SLC6A11: variants seen among roughly 807,000 people sequenced by gnomAD.
The protein encoded by SLC6A11 is sodium- and chloride-dependent GABA transporter 3.
A neutral mutation model predicts 74.8 loss-of-function variants in SLC6A11; 25 were observed. The ratio of observed to expected loss-of-function variants is 0.33; its 90% CI spans 0.24 to 0.47. The LOEUF (loss-of-function observed/expected upper bound fraction) is 0.47, where lower values mean the gene tolerates loss of function less well. SLC6A11 is among the 20% of genes least tolerant of loss of function. The pLI, the probability that SLC6A11 is intolerant of heterozygous loss-of-function variation, is 1.00. For missense variants in SLC6A11, 574 were observed against 837.0 expected (o/e 0.69, Z 3.88); for synonymous variants, 330 against 330.2 (o/e 1.00, Z 0.01).
chr3:10,830,136 G>A (rs1055140103), intron 4 of SLC6A11, among the ~76,000 whole-genome samples: 4 of 152,154 alleles, frequency 2.6e-5, no homozygotes, highest in Admixed American at 1.3e-4. Context: ...GTGAGGCTGG[G>A]GAACCCTGGA....
intron 7 of SLC6A11, among the ~76,000 whole-genome samples, chr3:10,914,066 G>T (rs536007934): frequency 1.5e-4 from 23 of 152,328 alleles, no homozygotes; most frequent in Non-Finnish European, 2.9e-4. Context: ...AGCAGATCAT[G>T]CCATACCCCT....
intron 4 of SLC6A11, among the ~76,000 whole-genome samples, chr3:10,838,645 A>C (rs547831152): frequency 6.4e-4 from 98 of 152,346 alleles, no homozygotes; most frequent in Non-Finnish European, 1.2e-3. Flanking sequence ...GCTACTCAGG[A>C]GGCTGAGGCA....
intron 7 of SLC6A11, among the ~76,000 whole-genome samples, chr3:10,914,186 C>A (rs1336353289): frequency 6.6e-6 from 1 of 152,158 alleles, no homozygotes; most frequent in African/African-American, 2.4e-5. Context: ...GTCCCTCCCA[C>A]ATTACCCCAT....
At chr3:10,882,858 A>T (rs1484732295) in intron 6 of SLC6A11, among the ~76,000 whole-genome samples, 1 of 152,142 alleles carries the variant, frequency 6.6e-6, no homozygotes, top group Non-Finnish European at 1.5e-5. Context: ...TGTGGGTAAG[A>T]ATATCGGCCG....
intron 5 of SLC6A11, among the ~76,000 whole-genome samples, chr3:10,852,498 G>A (rs1404276028): frequency 6.6e-6 from 1 of 152,386 alleles, no homozygotes; most frequent in Non-Finnish European, 1.5e-5. Context: ...GAAGTTTTGC[G>A]ACTTGGTAAT....
intron 6 of SLC6A11, among the ~76,000 whole-genome samples, chr3:10,886,905 A>G (rs916752297): frequency 1.3e-5 from 2 of 152,006 alleles, no homozygotes; most frequent in African/African-American, 4.8e-5. Flanking sequence ...AAGTAATCTC[A>G]TGCTTATTTG....
At chr3:10,890,530 C>A (rs1394750081) in intron 6 of SLC6A11, among the ~76,000 whole-genome samples, 2 of 152,250 alleles carry the variant, frequency 1.3e-5, no homozygotes, top group African/African-American at 4.8e-5. Flanking sequence ...CTGACTCAGT[C>A]AGTGTGGCTG....
At chr3:10,888,233 A>G (rs1306566034) in intron 6 of SLC6A11, among the ~76,000 whole-genome samples, 1 of 152,188 alleles carries the variant, frequency 6.6e-6, no homozygotes, top group Non-Finnish European at 1.5e-5. Context: ...TCCTTTACTC[A>G]TCTCCTTCCT....
chr3:10,842,422 C>G (rs1416350256), intron 4 of SLC6A11, among the ~76,000 whole-genome samples: 1 of 152,146 alleles, frequency 6.6e-6, no homozygotes, highest in African/African-American at 2.4e-5. Context: ...TTTTGTGTTT[C>G]TGGCAGGTGC....
At chr3:10,906,082 C>T (rs1695298733) in intron 6 of SLC6A11, among the ~76,000 whole-genome samples, 1 of 152,082 alleles carries the variant, frequency 6.6e-6, no homozygotes, top group Admixed American at 6.6e-5. Flanking sequence ...ATACCCATTT[C>T]CCCACTTTAT....
At chr3:10,818,202 A>G (rs1440481322) in intron 1 of SLC6A11, among the ~76,000 whole-genome samples, 1 of 151,704 alleles carries the variant, frequency 6.6e-6, no homozygotes, top group African/African-American at 2.4e-5. Flanking sequence ...TATTGTCCTA[A>G]GGGTTAGTAG....
At chr3:10,905,736 C>T (rs1413085935) in intron 6 of SLC6A11, among the ~76,000 whole-genome samples, 2 of 152,134 alleles carry the variant, frequency 1.3e-5, no homozygotes, top group Non-Finnish European at 2.9e-5. Flanking sequence ...TGTAAAGAGC[C>T]TAATGTTGCA....
rs528727735 is a variant in SLC6A11 at position 10,912,913 on chromosome 3, T to C, written c.995+720T>C. Among the ~76,000 whole-genome samples, 42 of 152,208 alleles carry C rather than the reference T, an allele frequency of 2.8e-4. No homozygotes were observed. In the South Asian group the frequency reaches 4.8e-3, roughly 17 times the overall value. The stretch of plus-strand genomic sequence containing the variant: ...CCTGAACTCAGTGCCTGGTACGCAA[T>C]AGGTTAATATTTCATGGTAGATGGA... On this transcript the variant is annotated intron_variant, in intron 7 of 13. Coordinates refer to ENST00000254488, the MANE Select transcript of SLC6A11 (RefSeq NM_014229.3).
intron 8 of SLC6A11, among the ~76,000 whole-genome samples, chr3:10,925,049 G>C (rs970223363): frequency 2.6e-5 from 4 of 152,242 alleles, no homozygotes; most frequent in African/African-American, 9.6e-5. Context: ...AACGTGAAGA[G>C]GAGGAACGGA....
At chr3:10,924,316 G>A (rs1695574064) in intron 8 of SLC6A11, among the ~76,000 whole-genome samples, 1 of 152,180 alleles carries the variant, frequency 6.6e-6, no homozygotes, top group Non-Finnish European at 1.5e-5. Flanking sequence ...AGTTCCTAGA[G>A]AGTGCAATAA....
chr3:10,902,001 C>G (rs1006922861), intron 6 of SLC6A11, among the ~76,000 whole-genome samples: 2 of 152,194 alleles, frequency 1.3e-5, no homozygotes, highest in Non-Finnish European at 2.9e-5. Context: ...CCATTTTCTG[C>G]CAGGCCATAT....
Position 10,816,696 on chromosome 3 carries a change from A to G in SLC6A11, c.256+175A>G, listed in dbSNP as rs1042205796. 6.6e-6 allele frequency among the ~76,000 whole-genome samples: 1 copy of G among 152,216 alleles called. No individual in the cohort carries two copies. The highest frequency in any genetic ancestry group is 6.5e-5 in the Admixed American group (1 of 15,288). ...CCCCGGAGCGCGGCCCACCTGTGCC[A>G]GTGCGCACGCGCACGTGCCAATTCG... is the stretch of plus-strand genomic sequence containing the variant. On this transcript the variant is annotated intron_variant, in intron 1 of 13. Coordinates refer to ENST00000254488, the MANE Select transcript of SLC6A11 (RefSeq NM_014229.3). This position sits in a 1 kb window ranked among gnomAD's most constrained non-coding sequence, Gnocchi z 4.2.
chr3:10,930,191 A>T (rs1695667213), intron 10 of SLC6A11, among the ~76,000 whole-genome samples: 1 of 152,166 alleles, frequency 6.6e-6, no homozygotes, highest in African/African-American at 2.4e-5. Flanking sequence ...TTTCCAACTC[A>T]TATGCTGCCT....
At chr3:10,836,215 T>C (rs1694365094) in intron 4 of SLC6A11, among the ~76,000 whole-genome samples, 1 of 152,252 alleles carries the variant, frequency 6.6e-6, no homozygotes, top group Non-Finnish European at 1.5e-5. Flanking sequence ...TTTGTAGCTG[T>C]ATAAAATACT....
Sources: gnomAD v4.1 joint callset for allele counts (sites outside exome capture counted in the v4.1 genomes callset) on GRCh38, gnomAD v4.1.1 for gene constraint, Gnocchi (gnomAD v3.1) non-coding constraint, MANE v1.5 for transcripts, NCBI Gene and HGNC (gene_info 2026-07-23, HGNC 2026-07-21) for gene names.